KCNK13: variants seen among roughly 807,000 people sequenced by gnomAD.
KCNK13 encodes potassium two pore domain channel subfamily K member 13, also known as potassium channel subfamily K member 13.
Under a neutral mutation model 23.4 loss-of-function variants are expected in KCNK13, and 12 were observed. That is an observed-to-expected ratio of 0.51 (90% CI 0.33 to 0.83). KCNK13 has a LOEUF of 0.83. Among genes scored for constraint, KCNK13 ranks in the 40% least tolerant of loss-of-function variants. The probability of loss-of-function intolerance (pLI) is 0.02; values close to 1 mark genes in which losing one functional copy is unlikely to be tolerated. For synonymous variants in KCNK13, 231 were observed against 229.5 expected (o/e 1.01, Z -0.06); for missense variants, 463 against 556.3 (o/e 0.83, Z 1.69).
At chr14:90,087,146 AT>A (rs1566949181) in intron 1 of KCNK13, among the ~76,000 whole-genome samples, 1 of 112,642 alleles carries the variant, frequency 8.9e-6, no homozygotes, top group African/African-American at 3.6e-5. Flanking sequence ...ATATATATAT[AT>A]ATATATATTT....
intron 1 of KCNK13, among the ~76,000 whole-genome samples, chr14:90,082,519 A>G (rs1889226098): frequency 6.6e-6 from 1 of 152,198 alleles, no homozygotes; most frequent in African/African-American, 2.4e-5. Context: ...TATAAATGGA[A>G]TCATACAACA....
intron 1 of KCNK13, among the ~76,000 whole-genome samples, chr14:90,104,809 T>TTTTTTTTG (rs1889524334): frequency 7.3e-6 from 1 of 136,866 alleles, no homozygotes; most frequent in East Asian, 2.0e-4. Context: ...TTTTTTTTTT[T>TTTTTTTTG]GAGAGAGTCT....
rs190042858 is a variant in KCNK13, at chr14:90,092,889, A to G, written c.334+30350A>G. 8.0e-4 allele frequency among the ~76,000 whole-genome samples: 108 copies of G among 134,246 alleles called. No individual in the cohort carries two copies. In the East Asian group the frequency reaches 0.014, roughly 17 times the overall value. The allele number at this position is 134,246 out of a possible 152,430, so 88.1% of individuals were successfully genotyped here. A position where few individuals can be genotyped will look rare whatever the true frequency, so the allele number is the denominator to read the frequency against. On this transcript the variant is annotated intron_variant, in intron 1 of 1. Transcript: ENST00000282146. ...ACCATGCCACTGCACTCTAGCCTGG[A>G]TGACAGAGTGAGACCCTGTCTCCAA...
chr14:90,153,340 C>T (rs904517903), intron 1 of KCNK13, among the ~76,000 whole-genome samples: 3 of 152,188 alleles, frequency 2.0e-5, no homozygotes, highest in Non-Finnish European at 4.4e-5. Flanking sequence ...AGCTGTGTGA[C>T]CATGAGCAAT....
intron 1 of KCNK13, among the ~76,000 whole-genome samples, chr14:90,120,668 C>T (rs533460239): frequency 6.6e-6 from 1 of 152,288 alleles, no homozygotes; most frequent in Admixed American, 6.5e-5. Context: ...GTCCCTCCCA[C>T]GATCTATGGG....
rs371704561 is a variant in KCNK13 at position 90,116,921 on chromosome 14, G to T, written c.334+54382G>T. Among the ~76,000 whole-genome samples the T allele has an allele frequency of 2.6e-5, 4 of 152,244 alleles. No homozygotes were observed. The South Asian group carries it at 8.3e-4, about 32-fold the overall frequency. ...CTTATATTTAGAGAATCTATTTCAA[G>T]ACCCCAGGTGGATGGTTCAAGCCTC... is the stretch of plus-strand genomic sequence containing the variant. On this transcript the variant is annotated intron_variant, in intron 1 of 1. Transcript: ENST00000282146.
chr14:90,158,267 C>G (rs979665799), intron 1 of KCNK13, among the ~76,000 whole-genome samples: 4 of 152,228 alleles, frequency 2.6e-5, no homozygotes, highest in Admixed American at 1.3e-4. Flanking sequence ...CAAGACATGG[C>G]CCCAGGGACC....
At chr14:90,083,496 A>T (rs1403277087) in intron 1 of KCNK13, among the ~76,000 whole-genome samples, 3 of 152,192 alleles carry the variant, frequency 2.0e-5, no homozygotes, top group Non-Finnish European at 2.9e-5. Context: ...TGTTTCCTCC[A>T]CAACTCACAT....
intron 1 of KCNK13, among the ~76,000 whole-genome samples, chr14:90,166,195 G>A (rs10132887): frequency 6.6e-6 from 1 of 152,212 alleles, no homozygotes; most frequent in Non-Finnish European, 1.5e-5. Flanking sequence ...ATGCTTTACT[G>A]TTATGGAAAT....
chr14:90,139,255 G>A (rs1009846709), intron 1 of KCNK13, among the ~76,000 whole-genome samples: 1 of 152,178 alleles, frequency 6.6e-6, no homozygotes, highest in Non-Finnish European at 1.5e-5. Context: ...CTGGGGAGCG[G>A]GGCAGGCTAC....
intron 1 of KCNK13, among the ~76,000 whole-genome samples, chr14:90,182,430 G>C (rs952665572): frequency 3.9e-5 from 6 of 152,174 alleles, no homozygotes; most frequent in Non-Finnish European, 8.8e-5. Context: ...AACTATATCA[G>C]CTTGGTGACA....
intron 1 of KCNK13, among the ~76,000 whole-genome samples, chr14:90,101,167 G>C (rs947325934): frequency 1.3e-5 from 2 of 152,172 alleles, no homozygotes; most frequent in Non-Finnish European, 2.9e-5. Context: ...AGTAGACCAG[G>C]TGACGTAGGC....
intron 1 of KCNK13, among the ~76,000 whole-genome samples, chr14:90,122,720 G>A (rs921845128): frequency 2.6e-5 from 4 of 152,244 alleles, no homozygotes; most frequent in East Asian, 1.9e-4. Flanking sequence ...GAAAAAAAAG[G>A]GAGAAACTAA....
chr14:90,073,399 C>T (rs2140390512), intron 1 of KCNK13, among the ~76,000 whole-genome samples: 1 of 152,308 alleles, frequency 6.6e-6, no homozygotes, highest in East Asian at 1.9e-4. Flanking sequence ...TACCCGCCCC[C>T]AGGACTTTCA....
At chr14:90,128,641 G>T (rs969901965) in intron 1 of KCNK13, among the ~76,000 whole-genome samples, 23 of 152,050 alleles carry the variant, frequency 1.5e-4, no homozygotes, top group African/African-American at 5.1e-4. Context: ...CTCCTTCATG[G>T]CTCACCTGTT....
chr14:90,066,191 G>C (rs1471430873), intron 1 of KCNK13, among the ~76,000 whole-genome samples: 1 of 147,360 alleles, frequency 6.8e-6, no homozygotes, highest in Admixed American at 6.9e-5. Context: ...GGCCAGGCTG[G>C]TCTGAAACTC....
chr14:90,068,941 T>C (rs1362101772), intron 1 of KCNK13, among the ~76,000 whole-genome samples: 3 of 151,870 alleles, frequency 2.0e-5, no homozygotes, highest in Non-Finnish European at 4.4e-5. Context: ...GCTGAGAAGA[T>C]GACCCGGCTC....
At chr14:90,127,817 TAAAA>T (rs35453411) in intron 1 of KCNK13, among the ~76,000 whole-genome samples, 5 of 85,156 alleles carry the variant, frequency 5.9e-5, no homozygotes, top group Non-Finnish European at 1.1e-4. Flanking sequence ...AGATGCTATC[TAAAA>T]AAAAAAAAAA....
chr14:90,108,058 C>T (rs1889568133), intron 1 of KCNK13: 1 of 589,190 alleles, frequency 1.7e-6, no homozygotes, highest in Non-Finnish European at 3.2e-6. Context: ...CATGTGATGA[C>T]AGCACTTCCT....
Sources: gnomAD v4.1 joint callset for allele counts (sites outside exome capture counted in the v4.1 genomes callset) on GRCh38, gnomAD v4.1.1 for gene constraint, MANE v1.5 for transcripts, NCBI Gene and HGNC (gene_info 2026-07-23, HGNC 2026-07-21) for gene names.